The following SYT16 variants were observed in gnomAD, a reference collection of about 807,000 sequenced individuals.
SYT16 encodes the protein synaptotagmin 16, also known as synaptotagmin-16.
SYT16 carries 42 observed loss-of-function variants against 61.4 expected under a neutral mutation model. That is an observed-to-expected ratio of 0.68 (90% CI 0.53 to 0.89). The LOEUF is 0.89. SYT16 is among the 40% of genes least tolerant of loss of function. The pLI, the probability that SYT16 is intolerant of heterozygous loss-of-function variation, is 0.00. For missense variants in SYT16, 804 were observed against 807.3 expected (o/e 1.00, Z 0.05); for synonymous variants, 314 against 302.3 (o/e 1.04, Z -0.40).
chr14:62,081,414 C>T (rs1595370409), intron 6 of SYT16, 140 bp downstream of exon 6: 1 of 909,638 alleles, frequency 1.1e-6, no homozygotes, highest in East Asian at 2.6e-5. Flanking sequence ...CCCTTGTAAG[C>T]CATGATTTGC....
In SYT16 at chr14:62,110,052, A is replaced by G. The variant is rs2057580791; in HGVS notation, c.*9345A>G. 1 of 152,168 alleles carries G rather than the reference A, an allele frequency of 6.6e-6. No individual in the cohort carries two copies. Among genetic ancestry groups the G allele is most frequent in the Non-Finnish European group, 1.5e-5 (1 of 68,024 alleles). The allele number at this position is 152,168 out of a possible 1,614,324, so 9.4% of individuals were successfully genotyped here. On this transcript the variant is annotated 3_prime_UTR_variant, in exon 8 of 8. Transcript: ENST00000683842. The stretch of plus-strand genomic sequence containing the variant: ...GGGGGAGGCCTGGCCAATGATTTGT[A>G]TCTGAGAAACATTTTGAGATTATTT...
At chr14:62,040,403 A>G (rs1354571961) in intron 3 of SYT16, among the ~76,000 whole-genome samples, 2 of 152,244 alleles carry the variant, frequency 1.3e-5, no homozygotes, top group African/African-American at 2.4e-5. Context: ...GGTTTAAATA[A>G]TAAGAACCCA....
chr14:61,988,801 G>A (rs2140595214), intron 2 of SYT16, among the ~76,000 whole-genome samples: 1 of 152,254 alleles, frequency 6.6e-6, no homozygotes, highest in East Asian at 1.9e-4. Context: ...GACAAAACTG[G>A]ATTTGAACCC....
At chr14:61,988,327 C>T (rs780993258) in intron 2 of SYT16, among the ~76,000 whole-genome samples, 15 of 152,172 alleles carry the variant, frequency 9.9e-5, no homozygotes, top group Non-Finnish European at 2.2e-4. Context: ...CAGTGATAGT[C>T]TCTTTAAAAA....
intron 1 of SYT16, among the ~76,000 whole-genome samples, chr14:61,875,965 T>A (rs1295948143): frequency 6.6e-6 from 1 of 152,168 alleles, no homozygotes. Context: ...CCTTGTTAGG[T>A]TGGGGAATTT....
At chr14:61,897,786 C>G (rs1412181963) in intron 1 of SYT16, among the ~76,000 whole-genome samples, 7 of 152,034 alleles carry the variant, frequency 4.6e-5, no homozygotes, top group Non-Finnish European at 7.4e-5. Context: ...TTTTAGAACC[C>G]ATAGACACAC....
intron 1 of SYT16, among the ~76,000 whole-genome samples, chr14:61,826,905 G>A (rs1043444841): frequency 1.3e-5 from 2 of 151,924 alleles, no homozygotes; most frequent in African/African-American, 2.4e-5. Flanking sequence ...CTTGCCGGTG[G>A]CACCTTCTTT....
intron 1 of SYT16, among the ~76,000 whole-genome samples, chr14:61,886,640 C>G (rs1340800118): frequency 1.3e-5 from 2 of 152,190 alleles, no homozygotes; most frequent in African/African-American, 4.8e-5. Context: ...TTCCAGTTCT[C>G]GTGCTATTTC....
At chr14:62,081,406 C>A in intron 6 of SYT16, 132 bp downstream of exon 6, 1 of 988,120 alleles carries the variant, frequency 1.0e-6, no homozygotes, top group Non-Finnish European at 1.5e-6. Context: ...TCTCCTCACC[C>A]TTGTAAGCCA....
chr14:61,987,812 A>T, intron 2 of SYT16, among the ~76,000 whole-genome samples: 1 of 151,772 alleles, frequency 6.6e-6, no homozygotes, highest in Non-Finnish European at 1.5e-5. Flanking sequence ...AAAAACTTTA[A>T]CAAACACTGA....
At chr14:61,826,901 G>A (rs1241879760) in intron 1 of SYT16, among the ~76,000 whole-genome samples, 3 of 151,968 alleles carry the variant, frequency 2.0e-5, no homozygotes, top group East Asian at 1.9e-4. Flanking sequence ...CTGGCTTGCC[G>A]GTGGCACCTT....
At chr14:61,860,918 T>G (rs561733232) in intron 1 of SYT16, among the ~76,000 whole-genome samples, 13 of 152,248 alleles carry the variant, frequency 8.5e-5, no homozygotes, top group African/African-American at 3.1e-4. Context: ...TCAAGTGAGG[T>G]GTACGGAGAC....
At chr14:62,032,503 C>G (rs1334363619) in intron 3 of SYT16, among the ~76,000 whole-genome samples, 7 of 151,722 alleles carry the variant, frequency 4.6e-5, no homozygotes, top group African/African-American at 1.7e-4. Flanking sequence ...GTTTTCTGTA[C>G]CTAATACACA....
intron 1 of SYT16, among the ~76,000 whole-genome samples, chr14:61,924,605 G>A (rs914380598): frequency 2.6e-5 from 4 of 151,964 alleles, no homozygotes; most frequent in Non-Finnish European, 2.9e-5. Flanking sequence ...TAGTGCTATC[G>A]GCTACATATT....
At chr14:62,011,112 A>G (rs1257873822) in intron 3 of SYT16, among the ~76,000 whole-genome samples, 1 of 152,212 alleles carries the variant, frequency 6.6e-6, no homozygotes, top group East Asian at 1.9e-4. Context: ...ACACAATTGA[A>G]CTAAACTCAA....
intron 3 of SYT16, among the ~76,000 whole-genome samples, chr14:62,059,464 G>A (rs1210265895): frequency 1.4e-5 from 2 of 146,268 alleles, no homozygotes; most frequent in African/African-American, 5.5e-5. Flanking sequence ...TCAGCCTATG[G>A]TTTGCCTTTT....
At chr14:61,827,952 G>A (rs2045822852) in intron 1 of SYT16, among the ~76,000 whole-genome samples, 2 of 152,172 alleles carry the variant, frequency 1.3e-5, no homozygotes, top group Non-Finnish European at 2.9e-5. Context: ...TTCAGAATGT[G>A]ACTGTATTTG....
intron 3 of SYT16, among the ~76,000 whole-genome samples, chr14:62,029,072 T>C (rs2054209213): frequency 6.6e-6 from 1 of 152,214 alleles, no homozygotes; most frequent in African/African-American, 2.4e-5. Context: ...CTACTTTTCA[T>C]CTGAGTGGTT....
intron 7 of SYT16, among the ~76,000 whole-genome samples, chr14:62,088,000 G>A (rs1222446082): frequency 1.3e-5 from 2 of 152,200 alleles, no homozygotes; most frequent in African/African-American, 2.4e-5. Flanking sequence ...AGGATGTGGA[G>A]AATACATTCT....
Sources: allele counts gnomAD v4.1 joint callset (sites outside exome capture counted in the v4.1 genomes callset), GRCh38; gene constraint gnomAD v4.1.1; transcripts MANE v1.5; gene names NCBI Gene and HGNC (gene_info 2026-07-23, HGNC 2026-07-21).